ST6GALNAC3: variants seen among roughly 807,000 people sequenced by gnomAD.
The protein encoded by ST6GALNAC3 is alpha-N-acetylgalactosaminide alpha-2,6-sialyltransferase 3.
In ST6GALNAC3, 25 loss-of-function variants were observed where a neutral mutation model predicts 32.7. The ratio of observed to expected loss-of-function variants is 0.76; its 90% CI spans 0.56 to 1.07. The LOEUF is 1.07. ST6GALNAC3 is among the 50% of genes least tolerant of loss of function. The pLI is 0.00. For missense variants in ST6GALNAC3, 355 were observed against 382.4 expected, an observed-to-expected ratio of 0.93 and a Z score of 0.60; for synonymous variants, 129 against 133.1, an observed-to-expected ratio of 0.97 and a Z score of 0.21.
chr1:76,635,539 G>T (rs541276793), downstream of ST6GALNAC3, among the ~76,000 whole-genome samples: 1 of 152,310 alleles, frequency 6.6e-6, no homozygotes, highest in South Asian at 2.1e-4. Flanking sequence ...TTGACGAAAT[G>T]AGATTGGAAC....
chr1:76,185,828 A>G (rs1392402719), intron 1 of ST6GALNAC3, among the ~76,000 whole-genome samples: 5 of 152,196 alleles, frequency 3.3e-5, no homozygotes, highest in Admixed American at 6.5e-5. Context: ...GGAAAAAAAT[A>G]TATGTCTGTA....
intron 3 of ST6GALNAC3, among the ~76,000 whole-genome samples, chr1:76,622,309 G>A (rs1648699837): frequency 6.6e-6 from 1 of 151,890 alleles, no homozygotes; most frequent in Admixed American, 6.6e-5. Context: ...TTGCCCTTTG[G>A]GTCTAGGCCT....
chr1:76,218,608 T>A (rs906675177), intron 1 of ST6GALNAC3, among the ~76,000 whole-genome samples: 1 of 152,250 alleles, frequency 6.6e-6, no homozygotes, highest in Non-Finnish European at 1.5e-5. Context: ...TGTATTCACA[T>A]GTTTATTTTT....
At chr1:76,076,701 C>A (rs1646820954) in intron 1 of ST6GALNAC3, among the ~76,000 whole-genome samples, 2 of 152,178 alleles carry the variant, frequency 1.3e-5, no homozygotes, top group South Asian at 4.1e-4. Context: ...TATCCTCAGT[C>A]TGTTTCTTAT....
chr1:76,103,033 T>G (rs920155370), intron 1 of ST6GALNAC3, among the ~76,000 whole-genome samples: 5 of 152,190 alleles, frequency 3.3e-5, no homozygotes, highest in Admixed American at 1.3e-4. Flanking sequence ...TACTTCTGGC[T>G]TTCTTTATTT....
At chr1:76,132,384 C>A (rs1455486815) in intron 1 of ST6GALNAC3, among the ~76,000 whole-genome samples, 2 of 152,012 alleles carry the variant, frequency 1.3e-5, no homozygotes, top group Non-Finnish European at 1.5e-5. Flanking sequence ...TTCAGGGGGG[C>A]AATCCAAGAC....
At chr1:76,291,435 G>T (rs1014815068) in intron 1 of ST6GALNAC3, among the ~76,000 whole-genome samples, 5 of 152,194 alleles carry the variant, frequency 3.3e-5, no homozygotes, top group Non-Finnish European at 7.4e-5. Context: ...CGCTGCCCCA[G>T]CCCAGCCGGG....
At chr1:76,449,818 T>C (rs1657258732) in intron 3 of ST6GALNAC3, among the ~76,000 whole-genome samples, 1 of 152,198 alleles carries the variant, frequency 6.6e-6, no homozygotes, top group South Asian at 2.1e-4. Flanking sequence ...AATCAATTTA[T>C]TTGTTTTGAT....
chr1:76,271,147 T>A (rs1658822738), intron 1 of ST6GALNAC3, among the ~76,000 whole-genome samples: 1 of 152,206 alleles, frequency 6.6e-6, no homozygotes, highest in Admixed American at 6.5e-5. Context: ...TTGTTTGAAC[T>A]CATGTCTTTG....
intron 1 of ST6GALNAC3, among the ~76,000 whole-genome samples, chr1:76,154,322 T>G (rs895719567): frequency 6.6e-6 from 1 of 152,110 alleles, no homozygotes; most frequent in Non-Finnish European, 1.5e-5. Context: ...CTCTCGTCAC[T>G]CTTAAAGCAA....
intron 3 of ST6GALNAC3, among the ~76,000 whole-genome samples, chr1:76,581,390 T>C (rs1171748385): frequency 6.6e-6 from 1 of 152,070 alleles, no homozygotes; most frequent in Non-Finnish European, 1.5e-5. Context: ...TTGGGAAGAG[T>C]GCATGTGTTA....
chr1:76,441,950 G>C (rs1482293366), intron 3 of ST6GALNAC3, among the ~76,000 whole-genome samples: 3 of 152,176 alleles, frequency 2.0e-5, no homozygotes, highest in African/African-American at 7.2e-5. Context: ...ACAATGAGTA[G>C]AAGGTCTCTC....
intron 1 of ST6GALNAC3, among the ~76,000 whole-genome samples, chr1:76,112,968 T>C (rs1337740627): frequency 6.6e-6 from 1 of 151,986 alleles, no homozygotes; most frequent in Non-Finnish European, 1.5e-5. Context: ...TCTCGGCACT[T>C]TGGGGGGCCA....
intron 1 of ST6GALNAC3, among the ~76,000 whole-genome samples, chr1:76,279,638 G>A (rs972880687): frequency 6.6e-6 from 1 of 152,158 alleles, no homozygotes; most frequent in African/African-American, 2.4e-5. Context: ...TGCAGTGCCT[G>A]GAGTCGTGTC....
intron 1 of ST6GALNAC3, among the ~76,000 whole-genome samples, chr1:76,218,066 CT>C (rs972354293): frequency 6.6e-5 from 10 of 152,028 alleles, no homozygotes; most frequent in African/African-American, 2.4e-4. Context: ...GATAGTTCTA[CT>C]TTTAGTTCTT....
chr1:76,349,168 A>G (rs1648771157), intron 2 of ST6GALNAC3, among the ~76,000 whole-genome samples: 1 of 152,160 alleles, frequency 6.6e-6, no homozygotes, highest in Admixed American at 6.5e-5. Context: ...ATCCTCCCCT[A>G]GACTCTCATA....
At chr1:76,206,690 G>A (rs1014842153) in intron 1 of ST6GALNAC3, among the ~76,000 whole-genome samples, 8 of 151,908 alleles carry the variant, frequency 5.3e-5, no homozygotes, top group Non-Finnish European at 1.0e-4. Context: ...CTGAGATCGC[G>A]CCACTGCACT....
At chr1:76,297,679 T>C (rs1009114373) in intron 1 of ST6GALNAC3, among the ~76,000 whole-genome samples, 21 of 152,042 alleles carry the variant, frequency 1.4e-4, no homozygotes, top group Non-Finnish European at 1.5e-5. Flanking sequence ...GGTATTTACA[T>C]ACATTGTAGT....
chr1:76,628,935 T>C lies in ST6GALNAC3; in HGVS notation c.*129T>C. 1 of 1,491,530 alleles carries C rather than the reference T, an allele frequency of 6.7e-7. No individual in the cohort carries two copies. 92.4% of individuals were successfully genotyped at this position (1,491,530 alleles called of 1,614,324 possible). On this transcript the variant is annotated 3_prime_UTR_variant, in exon 5 of 5. Coordinates refer to ENST00000328299, the MANE Select transcript of ST6GALNAC3 (RefSeq NM_152996.4). ...CAATGATTATCAAGTTCCTGTACAC[T>C]CTCAGATGTGGATGGTGACTCTGCT...
Sources: allele counts gnomAD v4.1 joint callset (sites outside exome capture counted in the v4.1 genomes callset), GRCh38; gene constraint gnomAD v4.1.1; transcripts MANE v1.5; gene names NCBI Gene and HGNC (gene_info 2026-07-23, HGNC 2026-07-21).